MBOAT1: variants seen among roughly 807,000 people sequenced by gnomAD.
MBOAT1 encodes membrane bound glycerophospholipid O-acyltransferase 1, also known as membrane-bound glycerophospholipid O-acyltransferase 1.
Under a neutral mutation model 64.4 loss-of-function variants are expected in MBOAT1, and 67 were observed. The ratio of observed to expected loss-of-function variants is 1.04; its 90% CI spans 0.85 to 1.27. The LOEUF is 1.27. Among genes scored for constraint, MBOAT1 ranks in the 50% most tolerant of loss-of-function variants. The probability of loss-of-function intolerance (pLI) is 0.00; values close to 1 mark genes in which losing one functional copy is unlikely to be tolerated. For missense variants in MBOAT1, 563 were observed against 604.6 expected, an observed-to-expected ratio of 0.93 and a Z score of 0.72; for synonymous variants, 229 against 218.9, an observed-to-expected ratio of 1.05 and a Z score of -0.41.
chr6:20,138,433 T>C (rs1016599449), intron 4 of MBOAT1, among the ~76,000 whole-genome samples: 4 of 152,202 alleles, frequency 2.6e-5, no homozygotes, highest in African/African-American at 9.6e-5. Flanking sequence ...AGGACATTTA[T>C]CAAGACTATG....
intron 3 of MBOAT1, among the ~76,000 whole-genome samples, chr6:20,148,202 G>A (rs1045057349): frequency 6.6e-6 from 1 of 152,176 alleles, no homozygotes; most frequent in Non-Finnish European, 1.5e-5. Flanking sequence ...GGCAAATCAC[G>A]TAAGGTCAGT....
chr6:20,184,498 A>G (rs1386006500), intron 1 of MBOAT1, among the ~76,000 whole-genome samples: 2 of 152,100 alleles, frequency 1.3e-5, no homozygotes, highest in African/African-American at 4.8e-5. Flanking sequence ...CACTAAGCCA[A>G]GGTTCTGACT....
chr6:20,152,383 T>G (rs1028965269), intron 2 of MBOAT1, among the ~76,000 whole-genome samples: 14 of 113,238 alleles, frequency 1.2e-4, no homozygotes, highest in African/African-American at 4.7e-4. Flanking sequence ...ATTAATTAAT[T>G]AATTAAAAAA....
At chr6:20,184,681 C>T (rs1369302467) in intron 1 of MBOAT1, among the ~76,000 whole-genome samples, 2 of 152,042 alleles carry the variant, frequency 1.3e-5, no homozygotes, top group Non-Finnish European at 2.9e-5. Context: ...ACCCTCATTC[C>T]CTACAGAATG....
chr6:20,202,207 A>T (rs1187809072), intron 1 of MBOAT1, among the ~76,000 whole-genome samples: 2 of 152,310 alleles, frequency 1.3e-5, no homozygotes, highest in East Asian at 3.9e-4. Context: ...AAACTTAAAA[A>T]ATAAATAAAC....
chr6:20,199,681 T>C (rs1763063757), intron 1 of MBOAT1, among the ~76,000 whole-genome samples: 2 of 152,212 alleles, frequency 1.3e-5, no homozygotes, highest in Non-Finnish European at 2.9e-5. Context: ...TGTTAAATAA[T>C]GTGCAGGGCC....
chr6:20,134,986 G>A (rs1166815314), intron 4 of MBOAT1, among the ~76,000 whole-genome samples: 1 of 149,466 alleles, frequency 6.7e-6, no homozygotes, highest in African/African-American at 2.5e-5. Context: ...ACAAAAAAAG[G>A]AGGAGATCCA....
intron 4 of MBOAT1, among the ~76,000 whole-genome samples, chr6:20,143,935 T>G (rs1224473894): frequency 6.6e-6 from 1 of 152,136 alleles, no homozygotes; most frequent in Non-Finnish European, 1.5e-5. Context: ...AGACAATACA[T>G]AAATGGCTAA....
intron 1 of MBOAT1, among the ~76,000 whole-genome samples, chr6:20,204,209 TCTC>T (rs1399590902): frequency 6.6e-6 from 1 of 152,154 alleles, no homozygotes; most frequent in African/African-American, 2.4e-5. Flanking sequence ...CCCAGGAAGT[TCTC>T]CCCTAGCACT....
chr6:20,178,105 G>C (rs931926007), intron 1 of MBOAT1, among the ~76,000 whole-genome samples: 1 of 152,158 alleles, frequency 6.6e-6, no homozygotes, highest in Non-Finnish European at 1.5e-5. Context: ...AATGTACTGT[G>C]ATTTTATGTG....
chr6:20,138,478 A>G (rs1382347739), intron 4 of MBOAT1, among the ~76,000 whole-genome samples: 2 of 152,226 alleles, frequency 1.3e-5, no homozygotes, highest in South Asian at 2.1e-4. Flanking sequence ...ACTGATTTCC[A>G]TGCTCCTCTT....
At chr6:20,124,623 G>T (rs759323213) in intron 7 of MBOAT1, 23 bp from the exon 8 acceptor site, 1 of 1,611,580 alleles carries the variant, frequency 6.2e-7, no homozygotes, top group Admixed American at 1.7e-5. Flanking sequence ...AAAAATCAGT[G>T]TCACCGTGCA....
intron 1 of MBOAT1, among the ~76,000 whole-genome samples, chr6:20,194,123 C>G (rs1288536157): frequency 6.6e-6 from 1 of 150,834 alleles, no homozygotes; most frequent in Non-Finnish European, 1.5e-5. Context: ...ACCAGTGATC[C>G]AAAAAAAAAA....
intron 10 of MBOAT1, among the ~76,000 whole-genome samples, chr6:20,113,482 G>A (rs992162440): frequency 1.3e-5 from 2 of 152,192 alleles, no homozygotes; most frequent in Non-Finnish European, 2.9e-5. Context: ...CCAGGCTCCT[G>A]TGCCATCTAA....
rs988527111 is a variant in MBOAT1 at position 20,131,160 on chromosome 6, T to C, written c.459A>G (p.Ala153=). The change falls in exon 5 of 13, where the codon GCA becomes GCG. Residue 153 remains alanine (A), a synonymous_variant. Transcript: ENST00000324607. ...TGTTCTTACCATCATGAACCTGGAA[T>C]GCCAAGGTTGTGATCTTCTGAGTGA... ...MIVTQKITTL[A]FQVHDGLGRR... The C allele has an allele frequency of 1.2e-6, 2 of 1,613,938 alleles. No individual in the cohort carries two copies. The highest frequency in any genetic ancestry group is 1.7e-6 in the Non-Finnish European group (2 of 1,179,810).
chr6:20,151,540 G>A (rs548760471), intron 2 of MBOAT1, among the ~76,000 whole-genome samples: 1 of 152,334 alleles, frequency 6.6e-6, no homozygotes, highest in African/African-American at 2.4e-5. Flanking sequence ...GCAATTGAGA[G>A]TCCAGAGAGA....
At chr6:20,176,913 T>G (rs1762358088) in intron 1 of MBOAT1, among the ~76,000 whole-genome samples, 1 of 152,174 alleles carries the variant, frequency 6.6e-6, no homozygotes, top group Admixed American at 6.5e-5. Context: ...TGTGAGCCAC[T>G]ACGTCCAGCC....
intron 9 of MBOAT1, among the ~76,000 whole-genome samples, chr6:20,117,019 A>T (rs1050702530): frequency 4.6e-5 from 7 of 152,370 alleles, no homozygotes; most frequent in African/African-American, 1.7e-4. Context: ...AGAGAAGCTT[A>T]CGGATCATGT....
rs1230948485 is a variant in MBOAT1 at position 20,212,374 on chromosome 6, G to A, written c.-140C>T. ...TCGCGGGGGAGCGAACGGGAGGCCG[G>A]GGAATGCGAACCGGCGCAAACTCTC... On this transcript the variant is annotated 5_prime_UTR_variant, in exon 1 of 13. Transcript: ENST00000324607. The A allele has an allele frequency of 4.2e-6, 3 of 719,490 alleles. No homozygotes were observed. Among genetic ancestry groups the A allele is most frequent in the Non-Finnish European group, 6.8e-6 (3 of 443,694 alleles). The allele number at this position is 719,490 out of a possible 1,614,324, so 44.6% of individuals were successfully genotyped here. A position where few individuals can be genotyped will look rare whatever the true frequency, so the allele number is the denominator to read the frequency against.
Sources: allele counts gnomAD v4.1 joint callset (sites outside exome capture counted in the v4.1 genomes callset), GRCh38; gene constraint gnomAD v4.1.1; transcripts MANE v1.5; gene names NCBI Gene and HGNC (gene_info 2026-07-23, HGNC 2026-07-21).